Variants in TBC1D5 observed in about 807,000 individuals in gnomAD.
TBC1D5 encodes the protein TBC1 domain family member 5, also known as TBC1 domain family, member 5.
In TBC1D5, 75 loss-of-function variants were observed where a neutral mutation model predicts 100.3. The observed-to-expected ratio is 0.75, with a 90% confidence interval of 0.62 to 0.91. The LOEUF is 0.91. Ranked by LOEUF, TBC1D5 falls within the 40% of genes least tolerant of loss-of-function variation. The pLI, the probability that TBC1D5 is intolerant of heterozygous loss-of-function variation, is 0.00. For missense variants in TBC1D5, 910 were observed against 942.4 expected, an observed-to-expected ratio of 0.97 and a Z score of 0.45; for synonymous variants, 323 against 325.6, an observed-to-expected ratio of 0.99 and a Z score of 0.09.
chr3:17,249,504 T>TG (rs2077012179), intron 16 of TBC1D5, among the ~76,000 whole-genome samples: 2 of 152,320 alleles, frequency 1.3e-5, no homozygotes, highest in East Asian at 3.9e-4. Flanking sequence ...GTCTGGATCA[T>TG]GGGGGTGTAC....
intron 2 of TBC1D5, among the ~76,000 whole-genome samples, chr3:17,573,822 T>G (rs971729585): frequency 6.6e-6 from 1 of 152,064 alleles, no homozygotes; most frequent in Non-Finnish European, 1.5e-5. Flanking sequence ...CTGTTTCCCA[T>G]GCATTAATCT....
chr3:17,186,065 T>A (rs2069020740), intron 18 of TBC1D5, among the ~76,000 whole-genome samples: 1 of 150,002 alleles, frequency 6.7e-6, no homozygotes, highest in Non-Finnish European at 1.5e-5. Flanking sequence ...AAAAGAATAA[T>A]CCTCATCATT....
intron 1 of TBC1D5, among the ~76,000 whole-genome samples, chr3:17,664,769 C>T (rs4243836): frequency 0.57 from 86,808 of 151,816 alleles, 25,621 homozygotes; most frequent in East Asian, 0.99. Context: ...GTTAAGGCTC[C>T]TGAATATAAA....
intron 8 of TBC1D5, among the ~76,000 whole-genome samples, 166 bp from the exon 9 acceptor site, chr3:17,384,181 G>A (rs780041231): frequency 2.6e-5 from 4 of 152,046 alleles, no homozygotes; most frequent in Admixed American, 1.3e-4. Flanking sequence ...AGTGAGGCAA[G>A]GGGAAATAAT....
chr3:17,623,126 G>T (rs138575785), intron 2 of TBC1D5, among the ~76,000 whole-genome samples: 1 of 152,178 alleles, frequency 6.6e-6, no homozygotes, highest in East Asian at 1.9e-4. Context: ...CAGAGAAAAT[G>T]AAAGGTCTGA....
intron 19 of TBC1D5, among the ~76,000 whole-genome samples, chr3:17,180,297 TG>T (rs2068289426): frequency 6.6e-6 from 1 of 152,236 alleles, no homozygotes; most frequent in South Asian, 2.1e-4. Context: ...GTTCCAAAAC[TG>T]TGAGGAAATA....
At chr3:17,199,109 A>G (rs1352149808) in intron 18 of TBC1D5, among the ~76,000 whole-genome samples, 1 of 152,228 alleles carries the variant, frequency 6.6e-6, no homozygotes, top group Non-Finnish European at 1.5e-5. Flanking sequence ...TTAAATCACA[A>G]TTTCTGGCAA....
At chr3:17,232,961 A>G (rs575934039) in intron 17 of TBC1D5, among the ~76,000 whole-genome samples, 1 of 152,316 alleles carries the variant, frequency 6.6e-6, no homozygotes, top group East Asian at 1.9e-4. Flanking sequence ...CATTTAACAC[A>G]GAAATCCTCT....
chr3:17,518,196 C>T (rs973477554), intron 2 of TBC1D5, among the ~76,000 whole-genome samples: 2 of 152,170 alleles, frequency 1.3e-5, no homozygotes, highest in Non-Finnish European at 2.9e-5. Context: ...CAAAACCCCA[C>T]CTTCAAGCCG....
At chr3:17,418,231 T>C (rs1248926296) in intron 4 of TBC1D5, among the ~76,000 whole-genome samples, 1 of 152,214 alleles carries the variant, frequency 6.6e-6, no homozygotes, top group African/African-American at 2.4e-5. Context: ...CTCAATTGTA[T>C]CATTGTCAAC....
At chr3:17,309,736 C>T (rs1254042444) in intron 13 of TBC1D5, among the ~76,000 whole-genome samples, 1 of 152,030 alleles carries the variant, frequency 6.6e-6, no homozygotes, top group Non-Finnish European at 1.5e-5. Flanking sequence ...ATTAAATAGG[C>T]TGCTATTCTT....
chr3:17,646,162 G>T (rs1246188465), intron 1 of TBC1D5, among the ~76,000 whole-genome samples: 1 of 151,788 alleles, frequency 6.6e-6, no homozygotes, highest in Non-Finnish European at 1.5e-5. Context: ...GGGAAGATTA[G>T]GTGGAGACAC....
At chr3:17,487,518 T>G (rs1318019233) in intron 3 of TBC1D5, among the ~76,000 whole-genome samples, 1 of 152,180 alleles carries the variant, frequency 6.6e-6, no homozygotes, top group East Asian at 1.9e-4. Flanking sequence ...AGACCACTTA[T>G]GCAAAAGATT....
rs138848165 is a variant in TBC1D5 at position 17,269,967 on chromosome 3, T to C, written c.1246-11376A>G. On this transcript the variant is annotated intron_variant, in intron 15 of 21. Transcript: ENST00000253692. ...GCTGCAATTAACATAAGCATGTATG[T>C]ATCTTTTACTTAGAATGATATATTT... Among the ~76,000 whole-genome samples, 3 of 152,314 alleles carry C rather than the reference T, an allele frequency of 2.0e-5. No individual in the cohort carries two copies. In the East Asian group the frequency reaches 5.8e-4, roughly 29 times the overall value.
chr3:17,726,555 G>T (rs2076145232), intron 1 of TBC1D5, among the ~76,000 whole-genome samples: 2 of 151,998 alleles, frequency 1.3e-5, no homozygotes. Flanking sequence ...ATTTTTAATG[G>T]GATTGTTTGT....
At chr3:17,727,975 T>C (rs1391173991) in intron 1 of TBC1D5, among the ~76,000 whole-genome samples, 1 of 152,160 alleles carries the variant, frequency 6.6e-6, no homozygotes, top group Non-Finnish European at 1.5e-5. Flanking sequence ...ATAACAATAT[T>C]TTGATACTAG....
chr3:17,547,151 T>G (rs966712876), intron 2 of TBC1D5: 4 of 152,176 alleles, frequency 2.6e-5, no homozygotes, highest in African/African-American at 9.7e-5. Flanking sequence ...GGGAACATTG[T>G]AGGCTATTGT....
chr3:17,679,199 C>T (rs2069112489), intron 1 of TBC1D5, among the ~76,000 whole-genome samples: 1 of 151,048 alleles, frequency 6.6e-6, no homozygotes, highest in South Asian at 2.1e-4. Flanking sequence ...GAATTCCTGC[C>T]ACACTGTCAA....
chr3:17,342,795 A>G (rs1204187826), intron 13 of TBC1D5, among the ~76,000 whole-genome samples: 2 of 152,208 alleles, frequency 1.3e-5, no homozygotes, highest in Admixed American at 1.3e-4. Flanking sequence ...TGACCATAAC[A>G]CGCATATTAT....
Sources: gnomAD v4.1 joint callset for allele counts (sites outside exome capture counted in the v4.1 genomes callset) on GRCh38, gnomAD v4.1.1 for gene constraint, MANE v1.5 for transcripts, NCBI Gene and HGNC (gene_info 2026-07-23, HGNC 2026-07-21) for gene names.